PHACTR1: variants seen among roughly 807,000 people sequenced by gnomAD.
PHACTR1 encodes the protein phosphatase and actin regulator 1, also known as RPEL repeat containing 1.
Under a neutral mutation model 69.2 loss-of-function variants are expected in PHACTR1, and 16 were observed. The observed-to-expected ratio is 0.23, with a 90% CI of 0.16 to 0.35. PHACTR1 has a LOEUF of 0.35. PHACTR1 is among the 10% of genes least tolerant of loss of function. The pLI, the probability that PHACTR1 is intolerant of heterozygous loss-of-function variation, is 1.00. For synonymous variants in PHACTR1, 312 were observed against 284.5 expected (o/e 1.10, Z -0.97); for missense variants, 510 against 734.7 (o/e 0.69, Z 3.54).
At chr6:13,177,975 G>A (rs1436213698) in intron 6 of PHACTR1, among the ~76,000 whole-genome samples, 1 of 152,170 alleles carries the variant, frequency 6.6e-6, no homozygotes, top group Non-Finnish European at 1.5e-5. Flanking sequence ...CTCTGATTTG[G>A]TGTTAACTTT....
At chr6:12,729,487 T>A (rs747449900) in intron 3 of PHACTR1, among the ~76,000 whole-genome samples, 1 of 152,114 alleles carries the variant, frequency 6.6e-6, no homozygotes, top group Non-Finnish European at 1.5e-5. Context: ...AAGAGGGTGA[T>A]CCATCTGGAG....
chr6:13,041,477 A>T (rs1804159462), intron 4 of PHACTR1, among the ~76,000 whole-genome samples: 2 of 152,112 alleles, frequency 1.3e-5, no homozygotes, highest in African/African-American at 4.8e-5. Flanking sequence ...ACAAATGATA[A>T]ATGGCACTGA....
intron 4 of PHACTR1, among the ~76,000 whole-genome samples, chr6:12,909,200 A>G (rs1786086690): frequency 6.6e-6 from 1 of 152,204 alleles, no homozygotes. Flanking sequence ...ATTTCATGTC[A>G]TACTCTTGCC....
At chr6:13,079,963 T>G in intron 5 of PHACTR1, among the ~76,000 whole-genome samples, 1 of 152,158 alleles carries the variant, frequency 6.6e-6, no homozygotes, top group Non-Finnish European at 1.5e-5. Context: ...GAGCATTCTC[T>G]TCTACAAATA....
At chr6:13,117,252 G>T (rs934021771) in intron 5 of PHACTR1, among the ~76,000 whole-genome samples, 10 of 152,198 alleles carry the variant, frequency 6.6e-5, no homozygotes, top group Admixed American at 6.5e-4. Flanking sequence ...AGACCACTTG[G>T]TTTCGTTTCT....
At chr6:13,087,928 T>G (rs886616470) in intron 5 of PHACTR1, among the ~76,000 whole-genome samples, 1 of 152,162 alleles carries the variant, frequency 6.6e-6, no homozygotes, top group Non-Finnish European at 1.5e-5. Context: ...ATTACAGGCA[T>G]GAGCCACTAC....
chr6:12,721,306 C>G (rs1762097110), intron 3 of PHACTR1, among the ~76,000 whole-genome samples: 1 of 151,998 alleles, frequency 6.6e-6, no homozygotes, highest in Non-Finnish European at 1.5e-5. Context: ...ATCGCTTGAA[C>G]CTGGGAGGCG....
chr6:12,749,839 C>A (rs1012088291), intron 4 of PHACTR1, 49 bp downstream of exon 4: 2 of 1,468,386 alleles, frequency 1.4e-6, no homozygotes, highest in Non-Finnish European at 1.8e-6. Context: ...TGCTCCCTCC[C>A]TCCCCGGCTG....
intron 4 of PHACTR1, among the ~76,000 whole-genome samples, chr6:13,016,829 T>C (rs115459491): frequency 1.2e-3 from 183 of 152,272 alleles, no homozygotes; most frequent in Non-Finnish European, 2.2e-3. Context: ...CAAGCTTACA[T>C]AGGAAAGCCA....
chr6:13,020,677 G>A (rs1470958151), intron 4 of PHACTR1, among the ~76,000 whole-genome samples: 1 of 152,170 alleles, frequency 6.6e-6, no homozygotes, highest in Non-Finnish European at 1.5e-5. Flanking sequence ...ATTGAATGCT[G>A]CTCTTCCAGC....
At chr6:13,067,230 T>G (rs12207703) in intron 5 of PHACTR1, among the ~76,000 whole-genome samples, 30,226 of 152,162 alleles carry the variant, frequency 0.2, 3,936 homozygotes, top group East Asian at 0.52. Context: ...CCATATAGTA[T>G]TATTAACTTC....
chr6:13,186,894 G>A (rs1041615616), intron 7 of PHACTR1, among the ~76,000 whole-genome samples: 1 of 152,172 alleles, frequency 6.6e-6, no homozygotes, highest in African/African-American at 2.4e-5. Flanking sequence ...TCACCATAAT[G>A]TAGAATCTGT....
At chr6:12,850,376 T>C (rs138225731) in intron 4 of PHACTR1, among the ~76,000 whole-genome samples, 219 of 152,372 alleles carry the variant, frequency 1.4e-3, no homozygotes, top group Non-Finnish European at 2.7e-3. Context: ...CCTTCACTCT[T>C]GCTCCAGGGA....
chr6:13,044,885 A>G (rs996654812), intron 4 of PHACTR1, among the ~76,000 whole-genome samples: 3 of 152,128 alleles, frequency 2.0e-5, no homozygotes, highest in African/African-American at 7.2e-5. Flanking sequence ...TTCTTGTCCT[A>G]GTGATCTAGG....
At chr6:13,251,257 G>C (rs752748600) in intron 10 of PHACTR1, among the ~76,000 whole-genome samples, 5 of 152,204 alleles carry the variant, frequency 3.3e-5, no homozygotes, top group African/African-American at 1.2e-4. Flanking sequence ...CTCCTAGAAG[G>C]GGGAGATGGC....
Position 13,283,166 on chromosome 6 carries a change from AAAAG to A in PHACTR1, c.1510-254_1510-251del, listed in dbSNP as rs1780676234. 2 of 291,310 alleles carry A rather than the reference AAAAG, an allele frequency of 6.9e-6. No individual in the cohort carries two copies. The highest frequency in any genetic ancestry group is 1.2e-5 in the Non-Finnish European group (2 of 161,228). The allele number at this position is 291,310 out of a possible 1,614,324, so 18.0% of individuals were successfully genotyped here. ...AAGATTTTTTTTAAGTTTAAAAAAAAAAAGAGCTTGGCCTAGAGGGTATGTAAGG... is the reference window on the plus strand; with the variant it reads ...AAGATTTTTTTTAAGTTTAAAAAAAAAGCTTGGCCTAGAGGGTATGTAAGG... On this transcript the variant is annotated intron_variant, in intron 12 of 14. Coordinates refer to ENST00000332995, the MANE Select transcript of PHACTR1 (RefSeq NM_030948.6). The surrounding 1 kb of genome is among the most constrained non-coding windows in gnomAD (Gnocchi z 4.7).
intron 4 of PHACTR1, among the ~76,000 whole-genome samples, chr6:12,915,214 A>C (rs1323867935): frequency 1.3e-5 from 2 of 152,168 alleles, no homozygotes; most frequent in African/African-American, 4.8e-5. Flanking sequence ...TCAGCATCAA[A>C]ACCAGGAGGA....
chr6:12,834,300 A>G (rs1167701108), intron 4 of PHACTR1, among the ~76,000 whole-genome samples: 2 of 152,014 alleles, frequency 1.3e-5, no homozygotes, highest in African/African-American at 4.8e-5. Flanking sequence ...TATTTTGTCA[A>G]CCCTGGGACC....
rs568768775 is a variant in PHACTR1 at position 12,803,986 on chromosome 6, G to A, written c.250+54196G>A. Among the ~76,000 whole-genome samples the A allele has an allele frequency of 5.9e-5, 9 of 152,280 alleles. No individual in the cohort carries two copies. The South Asian group carries it at 1.7e-3, about 28-fold the overall frequency. On this transcript the variant is annotated intron_variant, in intron 4 of 14. Transcript: ENST00000332995. ...GTAACAAATTATCAATTGGTCCTCGGCAAAGGGCTAAATAGGATTCATTTT... is the reference window on the plus strand; with the variant it reads ...GTAACAAATTATCAATTGGTCCTCGACAAAGGGCTAAATAGGATTCATTTT...
Sources: gnomAD v4.1 joint callset for allele counts (sites outside exome capture counted in the v4.1 genomes callset) on GRCh38, gnomAD v4.1.1 for gene constraint, Gnocchi (gnomAD v3.1) non-coding constraint, MANE v1.5 for transcripts, NCBI Gene and HGNC (gene_info 2026-07-23, HGNC 2026-07-21) for gene names.